CCDC178: variants seen among roughly 807,000 people sequenced by gnomAD.
The protein encoded by CCDC178 is coiled-coil domain containing 178.
Under a neutral mutation model 117.4 loss-of-function variants are expected in CCDC178, and 126 were observed. That is an observed-to-expected ratio of 1.07 (90% confidence interval 0.93 to 1.24). The LOEUF is 1.24. Among genes scored for constraint, CCDC178 ranks in the 50% most tolerant of loss-of-function variants. CCDC178 has a pLI of 0.00. For synonymous variants in CCDC178, 283 were observed against 313.4 expected, an observed-to-expected ratio of 0.90 and a Z score of 1.02; for missense variants, 1,030 against 986.9, an observed-to-expected ratio of 1.04 and a Z score of -0.59.
intron 20 of CCDC178, among the ~76,000 whole-genome samples, chr18:33,167,966 C>A (rs569632120): frequency 2.9e-4 from 44 of 151,962 alleles, no homozygotes; most frequent in African/African-American, 9.9e-4. Flanking sequence ...ATTTAAGTTC[C>A]TTATAGGTTT....
intron 12 of CCDC178, among the ~76,000 whole-genome samples, chr18:33,271,098 T>C (rs1034524205): frequency 2.0e-5 from 3 of 151,426 alleles, no homozygotes; most frequent in South Asian, 4.1e-4. Context: ...GCAGGGAAAA[T>C]AGTTCAAAAA....
intron 11 of CCDC178, among the ~76,000 whole-genome samples, chr18:33,309,044 C>T (rs550956433): frequency 6.6e-6 from 1 of 151,764 alleles, no homozygotes; most frequent in African/African-American, 2.4e-5. Context: ...TTTTAAAAAG[C>T]CTTCAAAATT....
chr18:33,155,652 C>A (rs1300917513), intron 20 of CCDC178, among the ~76,000 whole-genome samples: 2 of 152,056 alleles, frequency 1.3e-5, no homozygotes, highest in African/African-American at 4.8e-5. Context: ...GCATCTCAGG[C>A]AATTTTTTTG....
In CCDC178 at chr18:32,967,308, C is replaced by T. The variant is rs184480213; in HGVS notation, c.2523+7239G>A. Among the ~76,000 whole-genome samples, 5 of 150,304 alleles carry T rather than the reference C, an allele frequency of 3.3e-5. No individual in the cohort carries two copies. In the East Asian group the frequency reaches 9.8e-4, roughly 29 times the overall value. On this transcript the variant is annotated intron_variant, in intron 22 of 22. Coordinates refer to ENST00000383096, the MANE Select transcript of CCDC178 (RefSeq NM_001105528.4). Reference sequence around the variant, plus strand: ...TTTCCCATTGTGATTGTGGATTTGTCTAGTTTTCTTTGAATTTTAACCAGA... The same window carrying T: ...TTTCCCATTGTGATTGTGGATTTGTTTAGTTTTCTTTGAATTTTAACCAGA...
intron 15 of CCDC178, among the ~76,000 whole-genome samples, chr18:33,240,850 C>G (rs1229135873): frequency 4.6e-5 from 7 of 151,802 alleles, no homozygotes; most frequent in Non-Finnish European, 8.8e-5. Flanking sequence ...CTAGGTCATT[C>G]TATGAGGCCA....
intron 21 of CCDC178, among the ~76,000 whole-genome samples, chr18:33,054,384 C>T (rs574578958): frequency 7.7e-4 from 117 of 152,264 alleles, no homozygotes; most frequent in African/African-American, 2.7e-3. Flanking sequence ...AGACATTAGG[C>T]CCAGCATCCA....
chr18:32,985,379 A>C (rs903542320), intron 21 of CCDC178, among the ~76,000 whole-genome samples: 15 of 152,092 alleles, frequency 9.9e-5, no homozygotes, highest in African/African-American at 3.6e-4. Flanking sequence ...CATGGGTCAG[A>C]AAGTATAAGC....
chr18:33,223,610 A>G (rs1456662088), intron 17 of CCDC178, among the ~76,000 whole-genome samples: 1 of 152,150 alleles, frequency 6.6e-6, no homozygotes, highest in Non-Finnish European at 1.5e-5. Context: ...CTTATAATTT[A>G]TTAACTATTA....
At chr18:33,283,210 G>A (rs749540165) in intron 12 of CCDC178, among the ~76,000 whole-genome samples, 41 of 152,136 alleles carry the variant, frequency 2.7e-4, no homozygotes, top group Non-Finnish European at 5.0e-4. Context: ...CAGTCTAGGA[G>A]TTAGGAGCTG....
At chr18:33,186,866 T>C (rs566433816) in intron 20 of CCDC178, among the ~76,000 whole-genome samples, 1 of 152,082 alleles carries the variant, frequency 6.6e-6, no homozygotes, top group African/African-American at 2.4e-5. Context: ...CTCTTACTTT[T>C]AGAAGACCTT....
At chr18:33,005,902 T>A (rs138842351) in intron 21 of CCDC178, among the ~76,000 whole-genome samples, 1 of 152,196 alleles carries the variant, frequency 6.6e-6, no homozygotes, top group Non-Finnish European at 1.5e-5. Context: ...AATGTAAACA[T>A]GCCACATGCC....
intron 20 of CCDC178, among the ~76,000 whole-genome samples, chr18:33,173,308 C>T (rs746219959): frequency 6.4e-4 from 98 of 152,262 alleles, no homozygotes; most frequent in Middle Eastern, 3.4e-3. Context: ...CCTCAGCCTC[C>T]CAAAGTGCTG....
At chr18:33,240,098 T>A (rs760980137) in intron 15 of CCDC178, among the ~76,000 whole-genome samples, 39 of 151,848 alleles carry the variant, frequency 2.6e-4, no homozygotes, top group Non-Finnish European at 3.8e-4. Flanking sequence ...ATTAAAACTA[T>A]ACAAATGCAT....
chr18:33,267,711 T>C (rs1274959767), intron 12 of CCDC178, among the ~76,000 whole-genome samples: 2 of 151,418 alleles, frequency 1.3e-5, no homozygotes, highest in African/African-American at 2.4e-5. Context: ...AACAATTACA[T>C]AATAAAATCA....
At chr18:33,212,175 C>G (rs536314793) in intron 19 of CCDC178, 120 bp from the exon 20 acceptor site, 1 of 682,912 alleles carries the variant, frequency 1.5e-6, no homozygotes, top group Non-Finnish European at 2.3e-6. Flanking sequence ...AACTGACAGG[C>G]CTTGGAAAAA....
At chr18:33,013,118 C>T (rs921316347) in intron 21 of CCDC178, among the ~76,000 whole-genome samples, 5 of 152,080 alleles carry the variant, frequency 3.3e-5, no homozygotes, top group African/African-American at 9.7e-5. Flanking sequence ...CCTAAATAAA[C>T]CAATCTAGAA....
intron 21 of CCDC178, 58 bp from the exon 22 acceptor site, chr18:32,974,739 C>T: frequency 1.3e-6 from 2 of 1,547,332 alleles, no homozygotes; most frequent in Non-Finnish European, 1.8e-6. Context: ...AAATTAATGG[C>T]AGTGTTCAAG....
intron 11 of CCDC178, among the ~76,000 whole-genome samples, chr18:33,309,023 TAAAAC>T (rs2062298482): frequency 6.6e-6 from 1 of 152,188 alleles, no homozygotes; most frequent in African/African-American, 2.4e-5. Flanking sequence ...AAATTATTGA[TAAAAC>T]AAAAATTTTA....
intron 20 of CCDC178, among the ~76,000 whole-genome samples, chr18:33,112,007 AAACT>A (rs1476776529): frequency 6.6e-6 from 1 of 151,804 alleles, no homozygotes; most frequent in African/African-American, 2.4e-5. Context: ...CAAATTGCCA[AAACT>A]AACAAATGAG....
Sources: gnomAD v4.1 joint callset for allele counts (sites outside exome capture counted in the v4.1 genomes callset) on GRCh38, gnomAD v4.1.1 for gene constraint, MANE v1.5 for transcripts, NCBI Gene and HGNC (gene_info 2026-07-23, HGNC 2026-07-21) for gene names.